Variants in CLMN observed in about 807,000 individuals in gnomAD.
CLMN encodes the protein calmin (calponin-like, transmembrane).
CLMN carries 57 observed loss-of-function variants against 92.7 expected under a neutral mutation model. The observed-to-expected ratio is 0.61, with a 90% CI of 0.50 to 0.77. The LOEUF (loss-of-function observed/expected upper bound fraction) is 0.77. Ranked by LOEUF, CLMN falls within the 30% of genes least tolerant of loss-of-function variation. The probability of loss-of-function intolerance (pLI) is 0.00; values close to 1 mark genes in which losing one functional copy is unlikely to be tolerated. For missense variants in CLMN, 1,158 were observed against 1,237.5 expected, an observed-to-expected ratio of 0.94 and a Z score of 0.96; for synonymous variants, 466 against 470.6, an observed-to-expected ratio of 0.99 and a Z score of 0.13.
chr14:95,253,159 G>A (rs1898855715), intron 1 of CLMN, among the ~76,000 whole-genome samples: 1 of 152,152 alleles, frequency 6.6e-6, no homozygotes, highest in African/African-American at 2.4e-5. Context: ...TGCCCACTGT[G>A]GCCCCTGACC....
chr14:95,310,132 G>A (rs574222663), intron 1 of CLMN, among the ~76,000 whole-genome samples: 15 of 152,218 alleles, frequency 9.9e-5, no homozygotes, highest in African/African-American at 2.4e-4. Context: ...CCCTTCTGCC[G>A]TGATTGGAAG....
intron 8 of CLMN, among the ~76,000 whole-genome samples, chr14:95,205,030 A>C (rs74076637): frequency 0.014 from 2,075 of 152,322 alleles, 58 homozygotes; most frequent in African/African-American, 0.047. Flanking sequence ...CAGGGCTGAA[A>C]AGCAGAAAAT....
At chr14:95,250,251 C>T (rs1474640240) in intron 1 of CLMN, among the ~76,000 whole-genome samples, 5 of 152,126 alleles carry the variant, frequency 3.3e-5, no homozygotes, top group Non-Finnish European at 5.9e-5. Context: ...TGCAGGTGAA[C>T]GATAAAATAG....
intron 8 of CLMN, among the ~76,000 whole-genome samples, chr14:95,207,398 A>G (rs1897075881): frequency 6.6e-6 from 1 of 152,168 alleles, no homozygotes; most frequent in South Asian, 2.1e-4. Flanking sequence ...GGGATTATAA[A>G]TGTGAGCCAC....
At chr14:95,235,109 T>C (rs1013832089) in intron 1 of CLMN, among the ~76,000 whole-genome samples, 4 of 149,268 alleles carry the variant, frequency 2.7e-5, no homozygotes, top group African/African-American at 1.0e-4. Context: ...ACTCTCTCTC[T>C]TTCTCTCTCT....
chr14:95,201,929 A>G (rs1595560694), intron 9 of CLMN, among the ~76,000 whole-genome samples: 1 of 152,164 alleles, frequency 6.6e-6, no homozygotes, highest in Non-Finnish European at 1.5e-5. Flanking sequence ...TTATGGCTGC[A>G]TAGTATTCCA....
chr14:95,246,310 C>T (rs1392246814), intron 1 of CLMN, among the ~76,000 whole-genome samples: 1 of 152,150 alleles, frequency 6.6e-6, no homozygotes. Flanking sequence ...ACTACCAATC[C>T]TAAACCTGCT....
intron 3 of CLMN, among the ~76,000 whole-genome samples, chr14:95,223,540 C>A (rs1447306272): frequency 1.3e-5 from 2 of 151,948 alleles, no homozygotes; most frequent in African/African-American, 2.4e-5. Flanking sequence ...AAAGAAAACA[C>A]TGGGCATTTA....
chr14:95,272,517 T>C (rs1306735602), intron 1 of CLMN, among the ~76,000 whole-genome samples: 2 of 152,216 alleles, frequency 1.3e-5, no homozygotes, highest in Non-Finnish European at 2.9e-5. Context: ...ATCTCAAGCA[T>C]TCAGGCAGTG....
intron 2 of CLMN, 50 bp downstream of exon 2, chr14:95,230,022 T>G: frequency 6.5e-7 from 1 of 1,534,196 alleles, no homozygotes; most frequent in Non-Finnish European, 9.0e-7. Context: ...AACTGTAAAT[T>G]CAGTTACAGA....
At chr14:95,238,653 G>A (rs1898139173) in intron 1 of CLMN, among the ~76,000 whole-genome samples, 1 of 152,054 alleles carries the variant, frequency 6.6e-6, no homozygotes, top group African/African-American at 2.4e-5. Context: ...ACCACCCCCT[G>A]CCACCATGCT....
chr14:95,200,642 C>CCCCG (rs1896852461), intron 9 of CLMN, among the ~76,000 whole-genome samples: 2 of 152,318 alleles, frequency 1.3e-5, no homozygotes, highest in South Asian at 4.1e-4. Context: ...CAGGCACCCC[C>CCCCG]CTTCACTGAT....
At chr14:95,285,490 C>T (rs117314083) in intron 1 of CLMN, among the ~76,000 whole-genome samples, 14 of 152,274 alleles carry the variant, frequency 9.2e-5, no homozygotes, top group South Asian at 4.1e-4. Context: ...TGCATGTGAA[C>T]GCTGTCTGGG....
At chr14:95,205,121 A>G (rs539446814) in intron 8 of CLMN, among the ~76,000 whole-genome samples, 12 of 152,296 alleles carry the variant, frequency 7.9e-5, no homozygotes, top group African/African-American at 2.6e-4. Context: ...TTAAAACCAG[A>G]GAGAAGAAAT....
chr14:95,227,405 T>C (rs1897744527), intron 2 of CLMN, among the ~76,000 whole-genome samples: 1 of 152,152 alleles, frequency 6.6e-6, no homozygotes, highest in African/African-American at 2.4e-5. Context: ...CTTGGGCACC[T>C]TCCACCCTGA....
At chr14:95,201,762 T>C (rs1373566996) in intron 9 of CLMN, among the ~76,000 whole-genome samples, 2 of 151,090 alleles carry the variant, frequency 1.3e-5, no homozygotes, top group African/African-American at 2.4e-5. Context: ...ACAATGTGTG[T>C]TGTTCCCCTC....
chr14:95,249,954 G>C (rs929836548), intron 1 of CLMN, among the ~76,000 whole-genome samples: 5 of 152,182 alleles, frequency 3.3e-5, no homozygotes, highest in Non-Finnish European at 5.9e-5. Context: ...GCTGGGAGTG[G>C]AACTCAGGGA....
chr14:95,206,489 A>G (rs1282217387), intron 8 of CLMN, among the ~76,000 whole-genome samples: 1 of 152,262 alleles, frequency 6.6e-6, no homozygotes. Flanking sequence ...TGGCACATTT[A>G]CCAAAAGAAA....
rs1205814459 is a variant in CLMN at position 95,193,492 on chromosome 14, C to T, written c.2840+357G>A. 8.7e-6 allele frequency: 8 copies of T among 921,864 alleles called. No homozygotes were observed. In the South Asian group the frequency reaches 1.3e-4, roughly 15 times the overall value. 57.1% of individuals were successfully genotyped at this position (921,864 alleles called of 1,614,324 possible). ...GGGCCACACAGCCTCACAAGACCACCACCTCTTCTCCTGCCTGGCCGTCCC... is the reference window on the plus strand; with the variant it reads ...GGGCCACACAGCCTCACAAGACCACTACCTCTTCTCCTGCCTGGCCGTCCC... On this transcript the variant is annotated intron_variant, in intron 12 of 12. Transcript: ENST00000298912.
Sources: allele counts gnomAD v4.1 joint callset (sites outside exome capture counted in the v4.1 genomes callset), GRCh38; gene constraint gnomAD v4.1.1; transcripts MANE v1.5; gene names NCBI Gene and HGNC (gene_info 2026-07-23, HGNC 2026-07-21).